CACNA1C: variants seen among roughly 807,000 people sequenced by gnomAD.
CACNA1C encodes calcium voltage-gated channel subunit alpha1 C, also known as voltage-dependent L-type calcium channel subunit alpha-1C.
CACNA1C carries 30 observed loss-of-function variants against 229.0 expected under a neutral mutation model. That is an observed-to-expected ratio of 0.13 (90% CI 0.10 to 0.18). The LOEUF (loss-of-function observed/expected upper bound fraction) is 0.18, where lower values mean the gene tolerates loss of function less well. Among genes scored for constraint, CACNA1C ranks in the 10% least tolerant of loss-of-function variants. CACNA1C has a pLI of 1.00. For synonymous variants in CACNA1C, 1,114 were observed against 1,132.5 expected, an observed-to-expected ratio of 0.98 and a Z score of 0.33; for missense variants, 1,658 against 2,845.0, an observed-to-expected ratio of 0.58 and a Z score of 9.49.
chr12:2,233,938 G>A (rs924631665), intron 3 of CACNA1C, among the ~76,000 whole-genome samples: 5 of 152,200 alleles, frequency 3.3e-5, no homozygotes, highest in Non-Finnish European at 7.3e-5. Context: ...AGTGAGGTCA[G>A]TTAAGGTCAT....
intron 1 of CACNA1C, among the ~76,000 whole-genome samples, chr12:2,110,268 C>T (rs1383850537): frequency 1.3e-5 from 2 of 152,202 alleles, no homozygotes; most frequent in Non-Finnish European, 2.9e-5. Flanking sequence ...AGGAGGAGGA[C>T]GCAGATGCTG....
At position 2,289,111 on chromosome 12, in the gene CACNA1C, G is replaced by A. The variant is rs183837751; in HGVS notation, c.478-159865G>A. ...TATGGGGAAGATATGCCCTCAGGTG[G>A]TTAGCAGAGCCAGCAGGAGCCAAGC... On this transcript the variant is annotated intron_variant, in intron 3 of 46. Transcript: ENST00000399655. Among the ~76,000 whole-genome samples, 16 of 152,312 alleles carry A rather than the reference G, an allele frequency of 1.1e-4. No individual in the cohort carries two copies. In the East Asian group the frequency reaches 2.5e-3, roughly 24 times the overall value.
chr12:2,642,929 A>T (rs918778742), intron 30 of CACNA1C, among the ~76,000 whole-genome samples: 3 of 152,212 alleles, frequency 2.0e-5, no homozygotes, highest in Non-Finnish European at 2.9e-5. Flanking sequence ...CAGGCTGCAC[A>T]TGATAACAGT....
chr12:2,256,188 C>G (rs538882769), intron 3 of CACNA1C, among the ~76,000 whole-genome samples: 1 of 152,236 alleles, frequency 6.6e-6, no homozygotes, highest in African/African-American at 2.4e-5. Flanking sequence ...GCTACTAGAT[C>G]AGACTACCTG....
intron 3 of CACNA1C, among the ~76,000 whole-genome samples, chr12:2,281,101 C>T (rs1183061273): frequency 7.2e-6 from 1 of 139,546 alleles, no homozygotes; most frequent in Non-Finnish European, 1.6e-5. Context: ...TCCAAATGCT[C>T]TCCCTCCCCC....
At chr12:2,049,053 G>A (rs1052380387), upstream of CACNA1C, 9 of 152,152 alleles carry the variant, frequency 5.9e-5, no homozygotes, top group Non-Finnish European at 1.3e-4. Flanking sequence ...TAATATTTTC[G>A]TGACTTGTTT....
At chr12:2,581,336 G>A (rs891465118) in intron 13 of CACNA1C, among the ~76,000 whole-genome samples, 4 of 152,130 alleles carry the variant, frequency 2.6e-5, no homozygotes, top group Non-Finnish European at 4.4e-5. Flanking sequence ...GCAGGTAGCC[G>A]GCAGAGCTAG....
intron 26 of CACNA1C, 107 bp downstream of exon 26, chr12:2,607,237 C>A: frequency 1.8e-5 from 21 of 1,174,460 alleles, no homozygotes; most frequent in African/African-American, 4.6e-5. Context: ...CTCTGGAGGT[C>A]ATATTTACCT....
intron 3 of CACNA1C, among the ~76,000 whole-genome samples, chr12:2,353,571 C>T (rs750487259): frequency 6.6e-6 from 1 of 152,196 alleles, no homozygotes; most frequent in Non-Finnish European, 1.5e-5. Flanking sequence ...AGTCAAGGTC[C>T]GAAGGGCCCC....
At chr12:2,670,281 C>T (rs1263737917) in intron 38 of CACNA1C, among the ~76,000 whole-genome samples, 1 of 152,152 alleles carries the variant, frequency 6.6e-6, no homozygotes, top group African/African-American at 2.4e-5. Flanking sequence ...GTGTGTTCCT[C>T]GGGGCAACAG....
intron 3 of CACNA1C, among the ~76,000 whole-genome samples, chr12:2,353,392 C>A (rs1324664446): frequency 6.6e-6 from 1 of 152,228 alleles, no homozygotes; most frequent in African/African-American, 2.4e-5. Context: ...CTACCTGTCC[C>A]ATGCCAGGAG....
chr12:2,124,806 A>T (rs1359906401), intron 3 of CACNA1C, among the ~76,000 whole-genome samples: 1 of 152,088 alleles, frequency 6.6e-6, no homozygotes, highest in African/African-American at 2.4e-5. Flanking sequence ...CTTCAGGAGG[A>T]AGGTCATATT....
intron 1 of CACNA1C, among the ~76,000 whole-genome samples, chr12:2,039,037 T>C (rs1005390465): frequency 1.3e-5 from 2 of 152,204 alleles, no homozygotes; most frequent in African/African-American, 2.4e-5. Context: ...ACAATGTCCA[T>C]AGGTAGGAAA....
chr12:2,437,252 G>A (rs1360019260), intron 3 of CACNA1C, among the ~76,000 whole-genome samples: 2 of 152,190 alleles, frequency 1.3e-5, no homozygotes, highest in Non-Finnish European at 2.9e-5. Context: ...TGTGTGGTAG[G>A]GGAAGAGTGG....
At chr12:2,019,222 G>A (rs866349494) in intron 1 of CACNA1C, among the ~76,000 whole-genome samples, 14 of 152,232 alleles carry the variant, frequency 9.2e-5, no homozygotes, top group Middle Eastern at 3.4e-3. Flanking sequence ...GACCCTTTGG[G>A]AGGTTGAGGT....
At chr12:2,657,137 A>G (rs969078272) in intron 34 of CACNA1C, among the ~76,000 whole-genome samples, 1 of 152,216 alleles carries the variant, frequency 6.6e-6, no homozygotes, top group African/African-American at 2.4e-5. Flanking sequence ...CAGAATGAAA[A>G]ATGAATCAAA....
intron 3 of CACNA1C, among the ~76,000 whole-genome samples, chr12:2,315,050 T>C (rs1300446151): frequency 6.6e-6 from 1 of 152,238 alleles, no homozygotes. Flanking sequence ...CCTGGCCTAG[T>C]TGCCTTTCTA....
chr12:2,242,687 G>A (rs1253946716), intron 3 of CACNA1C, among the ~76,000 whole-genome samples: 1 of 152,220 alleles, frequency 6.6e-6, no homozygotes, highest in Non-Finnish European at 1.5e-5. Context: ...GTCATGGAGA[G>A]GACAGACCTC....
chr12:2,230,074 G>A (rs1187001929), intron 3 of CACNA1C, among the ~76,000 whole-genome samples: 1 of 152,214 alleles, frequency 6.6e-6, no homozygotes, highest in African/African-American at 2.4e-5. Flanking sequence ...AGAGGCGGAA[G>A]GGGAAGAAGG....
Sources: allele counts gnomAD v4.1 joint callset (sites outside exome capture counted in the v4.1 genomes callset), GRCh38; gene constraint gnomAD v4.1.1; transcripts MANE v1.5; gene names NCBI Gene and HGNC (gene_info 2026-07-23, HGNC 2026-07-21).